The following GPC6 variants were observed in gnomAD, a reference collection of about 807,000 sequenced individuals.
The protein encoded by GPC6 is glypican-6.
GPC6 carries 14 observed loss-of-function variants against 55.2 expected under a neutral mutation model. The ratio of observed to expected loss-of-function variants is 0.25; its 90% CI spans 0.17 to 0.40. The LOEUF is 0.40. GPC6 is among the 10% of genes least tolerant of loss of function. GPC6 has a pLI of 1.00. For missense variants in GPC6, 641 were observed against 708.5 expected (o/e 0.90, Z 1.08); for synonymous variants, 278 against 259.6 (o/e 1.07, Z -0.68).
At chr13:93,250,702 A>G (rs976671367) in intron 1 of GPC6, among the ~76,000 whole-genome samples, 1 of 152,122 alleles carries the variant, frequency 6.6e-6, no homozygotes, top group African/African-American at 2.4e-5. Context: ...GTTGACCCTA[A>G]AGTTGGTCCA....
intron 4 of GPC6, among the ~76,000 whole-genome samples, chr13:94,247,636 T>A (rs1891235425): frequency 6.6e-6 from 1 of 152,168 alleles, no homozygotes; most frequent in Admixed American, 6.6e-5. Flanking sequence ...AGTCTGTTAA[T>A]GCAATGTATA....
intron 3 of GPC6, among the ~76,000 whole-genome samples, chr13:93,879,915 G>A (rs1426982779): frequency 6.6e-6 from 1 of 151,308 alleles, no homozygotes; most frequent in Non-Finnish European, 1.5e-5. Context: ...GACATGAACA[G>A]ACATTTCTCA....
chr13:93,913,849 A>G (rs1055017703), intron 3 of GPC6, among the ~76,000 whole-genome samples: 1 of 152,136 alleles, frequency 6.6e-6, no homozygotes, highest in Non-Finnish European at 1.5e-5. Context: ...ACCCTGCCCC[A>G]TCCTCCCAGG....
chr13:93,817,190 GATA>G (rs1323503805), intron 2 of GPC6, among the ~76,000 whole-genome samples: 1 of 152,154 alleles, frequency 6.6e-6, no homozygotes, highest in African/African-American at 2.4e-5. Flanking sequence ...AGACGTTGAT[GATA>G]ATAATAACTA....
At chr13:94,121,650 G>A (rs1038738391) in intron 4 of GPC6, among the ~76,000 whole-genome samples, 1 of 152,128 alleles carries the variant, frequency 6.6e-6, no homozygotes, top group Admixed American at 6.6e-5. Context: ...AGGGCTGGAA[G>A]CCAACATGAT....
Position 93,620,337 on chromosome 13 carries a change from T to C in GPC6, c.319+74916T>C, listed in dbSNP as rs932638131. 3.5e-4 allele frequency among the ~76,000 whole-genome samples: 53 copies of C among 152,172 alleles called. 1 individual carries two copies. Among genetic ancestry groups the C allele is most frequent in the Admixed American group, 3.4e-3 (52 of 15,266 alleles). The stretch of plus-strand genomic sequence containing the variant: ...TTAACTGAAAATAATTCAGTGGCCT[T>C]GTCTGGCTTTAAATCAAGTAATGTT... On this transcript the variant is annotated intron_variant, in intron 2 of 8. Coordinates refer to ENST00000377047, the MANE Select transcript of GPC6 (RefSeq NM_005708.5).
At chr13:94,308,263 G>A (rs1013873913) in intron 6 of GPC6, among the ~76,000 whole-genome samples, 2 of 152,200 alleles carry the variant, frequency 1.3e-5, no homozygotes, top group African/African-American at 2.4e-5. Flanking sequence ...CAATGTTTTT[G>A]CAGCTTAGCA....
intron 1 of GPC6, among the ~76,000 whole-genome samples, chr13:93,385,628 A>G (rs1875367501): frequency 6.6e-6 from 1 of 152,172 alleles, no homozygotes; most frequent in African/African-American, 2.4e-5. Flanking sequence ...GAGAAATGAC[A>G]GTTGGAGAAC....
At chr13:93,827,544 C>T (rs1037870224) in intron 2 of GPC6, among the ~76,000 whole-genome samples, 2 of 152,154 alleles carry the variant, frequency 1.3e-5, no homozygotes, top group Non-Finnish European at 2.9e-5. Context: ...ACATTAGCGT[C>T]TTTCAATACC....
chr13:94,110,742 A>T (rs973256021), intron 4 of GPC6, among the ~76,000 whole-genome samples: 1 of 152,232 alleles, frequency 6.6e-6, no homozygotes, highest in African/African-American at 2.4e-5. Flanking sequence ...AACTGATGTT[A>T]TAAAAGATTT....
rs531850821 is a variant in GPC6 at position 93,696,059 on chromosome 13, TC to T, written c.320-134093del. ...CATGTAGAAAGACTTTTGACATTTT[TC>T]CTTTTTGAAATGTATTCCCAAATAC... On this transcript the variant is annotated intron_variant, in intron 2 of 8. Coordinates refer to ENST00000377047, the MANE Select transcript of GPC6 (RefSeq NM_005708.5). 1.9e-3 allele frequency among the ~76,000 whole-genome samples: 296 copies of T among 152,276 alleles called. 1 individual carries two copies. The highest frequency in any genetic ancestry group is 6.3e-3 in the African/African-American group (262 of 41,580).
At chr13:94,277,618 G>A (rs1892254333) in intron 4 of GPC6, among the ~76,000 whole-genome samples, 2 of 152,184 alleles carry the variant, frequency 1.3e-5, no homozygotes. Context: ...TAAGGTGTAA[G>A]GAAGGGGTCC....
At chr13:93,252,312 C>T (rs539149518) in intron 1 of GPC6, among the ~76,000 whole-genome samples, 1 of 152,308 alleles carries the variant, frequency 6.6e-6, no homozygotes, top group Non-Finnish European at 1.5e-5. Context: ...CATGGTTTGA[C>T]ATTCAATAAC....
At chr13:93,291,574 C>T (rs886110097) in intron 1 of GPC6, among the ~76,000 whole-genome samples, 5 of 152,046 alleles carry the variant, frequency 3.3e-5, no homozygotes, top group Non-Finnish European at 5.9e-5. Context: ...TTTCTTCAGC[C>T]AGTAATTTTT....
At chr13:93,387,106 T>A (rs1463370191) in intron 1 of GPC6, among the ~76,000 whole-genome samples, 1 of 151,572 alleles carries the variant, frequency 6.6e-6, no homozygotes, top group African/African-American at 2.4e-5. Flanking sequence ...TTTCACACAC[T>A]ATGGTCACTG....
At chr13:93,985,042 G>T (rs758398940) in intron 3 of GPC6, among the ~76,000 whole-genome samples, 8 of 152,158 alleles carry the variant, frequency 5.3e-5, no homozygotes, top group Non-Finnish European at 1.0e-4. Context: ...GTGTAACCCA[G>T]GCTCTTTCTT....
chr13:94,069,914 A>T (rs928434331), intron 4 of GPC6, among the ~76,000 whole-genome samples: 1 of 151,864 alleles, frequency 6.6e-6, no homozygotes, highest in Non-Finnish European at 1.5e-5. Flanking sequence ...AGCCCTCCAA[A>T]CTGTTCCAAC....
At chr13:93,298,627 T>A (rs921938641) in intron 1 of GPC6, among the ~76,000 whole-genome samples, 14 of 150,584 alleles carry the variant, frequency 9.3e-5, no homozygotes, top group South Asian at 2.1e-4. Context: ...TTTTTTTTTT[T>A]ATAGGGATGG....
chr13:93,704,773 A>G (rs4771878), intron 2 of GPC6, among the ~76,000 whole-genome samples: 74,588 of 151,806 alleles, frequency 0.49, 20,269 homozygotes, highest in Middle Eastern at 0.73. Context: ...AAACAGCAGG[A>G]AATGCTCAAA....
Sources: gnomAD v4.1 joint callset for allele counts (sites outside exome capture counted in the v4.1 genomes callset) on GRCh38, gnomAD v4.1.1 for gene constraint, MANE v1.5 for transcripts, NCBI Gene and HGNC (gene_info 2026-07-23, HGNC 2026-07-21) for gene names.